SUPT3H: variants seen among roughly 807,000 people sequenced by gnomAD.
The protein encoded by SUPT3H is SPT3 homolog, SAGA and STAGA complex component.
Under a neutral mutation model 44.3 loss-of-function variants are expected in SUPT3H, and 44 were observed. The observed-to-expected ratio is 0.99, with a 90% CI of 0.78 to 1.28. SUPT3H has a LOEUF of 1.28. Ranked by LOEUF, SUPT3H falls within the 50% of genes most tolerant of loss-of-function variation. SUPT3H has a pLI of 0.00. For missense variants in SUPT3H, 380 were observed against 387.1 expected (o/e 0.98, Z 0.15); for synonymous variants, 124 against 125.6 (o/e 0.99, Z 0.09).
intron 7 of SUPT3H, among the ~76,000 whole-genome samples, chr6:44,959,098 CAGGCT>C (rs1775649154): frequency 6.6e-6 from 1 of 152,040 alleles, no homozygotes; most frequent in South Asian, 2.1e-4. Flanking sequence ...CCATGTTGGT[CAGGCT>C]GGTCTCTAAC....
chr6:45,193,313 T>C (rs939110658), intron 2 of SUPT3H, among the ~76,000 whole-genome samples: 2 of 152,164 alleles, frequency 1.3e-5, no homozygotes, highest in Non-Finnish European at 2.9e-5. Flanking sequence ...AAGTTTAATG[T>C]CCTAAATAAG....
At chr6:45,184,575 C>A (rs1279523799) in intron 2 of SUPT3H, among the ~76,000 whole-genome samples, 1 of 151,932 alleles carries the variant, frequency 6.6e-6, no homozygotes, top group Admixed American at 6.6e-5. Context: ...CCTCTTACAA[C>A]TAAAAAACCC....
chr6:45,020,288 TGAAAGTGTCTGCATAGACG>T (rs2153517587), intron 4 of SUPT3H, among the ~76,000 whole-genome samples: 1 of 152,006 alleles, frequency 6.6e-6, no homozygotes, highest in South Asian at 2.1e-4. Context: ...CATGTAGCAA[TGAAAGTGTCTGCATAGACG>T]CATAAGGATA....
At chr6:45,016,557 T>C (rs1002769832) in intron 4 of SUPT3H, among the ~76,000 whole-genome samples, 24 of 138,388 alleles carry the variant, frequency 1.7e-4, no homozygotes, top group Admixed American at 1.7e-3. Flanking sequence ...TGTGTTCTCA[T>C]TGTTGAACTC....
At chr6:45,037,293 GA>G (rs1010812801) in intron 3 of SUPT3H, among the ~76,000 whole-genome samples, 32 of 151,058 alleles carry the variant, frequency 2.1e-4, no homozygotes, top group African/African-American at 7.5e-4. Context: ...AGGGAGAAAA[GA>G]AAAGATGCAG....
intron 3 of SUPT3H, among the ~76,000 whole-genome samples, chr6:45,029,228 C>G (rs1278607505): frequency 6.6e-6 from 1 of 151,470 alleles, no homozygotes; most frequent in Non-Finnish European, 1.5e-5. Flanking sequence ...AATAGTAAGT[C>G]AAGCACAGTT....
chr6:44,854,051 G>C (rs573638790), intron 10 of SUPT3H, among the ~76,000 whole-genome samples: 37 of 151,682 alleles, frequency 2.4e-4, no homozygotes, highest in African/African-American at 8.0e-4. Context: ...GAGAGCTCTT[G>C]GAGTCTGCAC....
rs538054174 is a variant in SUPT3H, at chr6:45,227,716, A to G, written c.102-121710T>C. Among the ~76,000 whole-genome samples, 4 of 152,284 alleles carry G rather than the reference A, an allele frequency of 2.6e-5. No homozygotes were observed. In the South Asian group the frequency reaches 6.2e-4, roughly 24 times the overall value. On this transcript the variant is annotated intron_variant, in intron 2 of 10. Coordinates refer to ENST00000371459, the MANE Select transcript of SUPT3H (RefSeq NM_003599.4). ...ACCAGGCAGCTTTATGCCATGAACA[A>G]TAAGATTCAAAGGTAGAGAATAATA...
In SUPT3H at chr6:44,954,523, G is replaced by T; in HGVS notation, c.665C>A (p.Ala222Glu). The T allele has an allele frequency of 6.2e-7, 1 of 1,613,880 alleles. No individual in the cohort carries two copies. The highest frequency in any genetic ancestry group is 8.5e-7 in the Non-Finnish European group (1 of 1,179,850). ...TGCCACAGTTTCATACGCTAAATAT[G>T]CTAAGATTTCCATTGCGACAACATT... ...KPNVVAMEILAYLAYETVAQL... is the reference protein window; with the variant it reads ...KPNVVAMEILEYLAYETVAQL... Residue 222 changes from alanine to glutamate, a missense_variant, in exon 8 of 11, where the codon GCA (alanine) becomes GAA (glutamate). By Grantham distance (107) the Ala-to-Glu change is moderately radical (BLOSUM62 -1). Transcript: ENST00000371459.
chr6:45,246,371 T>G (rs1226295631), intron 2 of SUPT3H, among the ~76,000 whole-genome samples: 1 of 152,116 alleles, frequency 6.6e-6, no homozygotes, highest in African/African-American at 2.4e-5. Context: ...GCTTCTTCAC[T>G]ATGTTTCCTT....
At chr6:45,265,857 A>G (rs569303157) in intron 2 of SUPT3H, among the ~76,000 whole-genome samples, 24 of 152,206 alleles carry the variant, frequency 1.6e-4, no homozygotes, top group Admixed American at 3.3e-4. Context: ...AGATCACACT[A>G]TAACAATAAA....
At chr6:45,035,465 T>C (rs998379509) in intron 3 of SUPT3H, among the ~76,000 whole-genome samples, 14 of 152,140 alleles carry the variant, frequency 9.2e-5, no homozygotes, top group Non-Finnish European at 5.9e-5. Context: ...ATCTGAAAAG[T>C]ACTAGCACTC....
intron 3 of SUPT3H, among the ~76,000 whole-genome samples, chr6:45,046,189 TC>T (rs1476782307): frequency 6.6e-6 from 1 of 152,210 alleles, no homozygotes; most frequent in Non-Finnish European, 1.5e-5. Flanking sequence ...AAATAACCTT[TC>T]CCCATTAAAT....
chr6:44,936,582 A>G (rs1470777037), intron 9 of SUPT3H, among the ~76,000 whole-genome samples: 1 of 151,964 alleles, frequency 6.6e-6, no homozygotes, highest in East Asian at 1.9e-4. Flanking sequence ...AAGTAAGAAC[A>G]TGCAATATTT....
intron 2 of SUPT3H, among the ~76,000 whole-genome samples, chr6:45,336,183 C>G (rs922349828): frequency 1.3e-5 from 2 of 151,138 alleles, no homozygotes; most frequent in African/African-American, 4.8e-5. Flanking sequence ...AGAAGGAAAA[C>G]TTAACATTTT....
downstream of SUPT3H, among the ~76,000 whole-genome samples, chr6:44,826,367 A>C (rs564961221): frequency 1.5e-4 from 23 of 152,358 alleles, no homozygotes; most frequent in African/African-American, 5.3e-4. Context: ...GAAGGTAAAA[A>C]TAAGAAACTG....
chr6:44,898,460 G>A (rs1258852752), intron 10 of SUPT3H, among the ~76,000 whole-genome samples: 1 of 152,138 alleles, frequency 6.6e-6, no homozygotes, highest in Non-Finnish European at 1.5e-5. Context: ...TATCAGCTAC[G>A]TAACAAATCA....
intron 10 of SUPT3H, among the ~76,000 whole-genome samples, chr6:44,922,588 A>T (rs1307997900): frequency 6.6e-6 from 1 of 152,202 alleles, no homozygotes; most frequent in Non-Finnish European, 1.5e-5. Context: ...CTTAAACAAA[A>T]CACACTTATG....
Position 44,917,655 on chromosome 6 carries a change from GA to G in SUPT3H, c.912+14997del, listed in dbSNP as rs563779045. On this transcript the variant is annotated intron_variant, in intron 10 of 10. Coordinates refer to ENST00000371459, the MANE Select transcript of SUPT3H (RefSeq NM_003599.4). Reference sequence around the variant, plus strand: ...TTCAGGAGTATAAATGAAGCCTCATGAGTCTTTTAGAATAAATACCTCCAGG... The same window carrying G: ...TTCAGGAGTATAAATGAAGCCTCATGGTCTTTTAGAATAAATACCTCCAGG... Among the ~76,000 whole-genome samples, 13 of 152,264 alleles carry G rather than the reference GA, an allele frequency of 8.5e-5. 1 individual carries two copies. In the South Asian group the frequency reaches 2.7e-3, roughly 32 times the overall value.
Sources: allele counts gnomAD v4.1 joint callset (sites outside exome capture counted in the v4.1 genomes callset), GRCh38; gene constraint gnomAD v4.1.1; transcripts MANE v1.5; gene names NCBI Gene and HGNC (gene_info 2026-07-23, HGNC 2026-07-21).